The following TNS3 variants were observed in gnomAD, a reference collection of about 807,000 sequenced individuals.
TNS3 encodes the protein tensin-3.
In TNS3, 45 loss-of-function variants were observed where a neutral mutation model predicts 140.9. The ratio of observed to expected loss-of-function variants is 0.32; its 90% CI spans 0.25 to 0.41. TNS3 has a LOEUF of 0.41. Ranked by LOEUF, TNS3 falls within the 10% of genes least tolerant of loss-of-function variation. The pLI is 1.00. For missense variants in TNS3, 1,716 were observed against 1,906.7 expected, an observed-to-expected ratio of 0.90 and a Z score of 1.86; for synonymous variants, 815 against 788.4, an observed-to-expected ratio of 1.03 and a Z score of -0.56.
intron 30 of TNS3, chr7:47,279,429 A>G (rs6463408): frequency 0.41 from 61,839 of 152,370 alleles, 12,893 homozygotes; most frequent in Non-Finnish European, 0.44. Flanking sequence ...TAAGCCGGGC[A>G]CGGTGGCTCA....
intron 1 of TNS3, among the ~76,000 whole-genome samples, chr7:47,573,666 T>C (rs879480060): frequency 6.6e-6 from 1 of 152,074 alleles, no homozygotes; most frequent in Admixed American, 6.5e-5. Flanking sequence ...GAAACACCAG[T>C]TGACTCCAGA....
rs78039313 is a variant in TNS3, at chr7:47,430,669, G to A, written c.325-2293C>T. ...GTTCTCCAGCATAGATGGCATGTTA[G>A]GCCACAAAACAAACCTTAACGAATT... On this transcript the variant is annotated intron_variant, in intron 8 of 30. Transcript: ENST00000311160. 3.0e-3 allele frequency among the ~76,000 whole-genome samples: 449 copies of A among 151,818 alleles called. 15 individuals carry two copies. The East Asian group carries it at 0.079, about 27-fold the overall frequency.
intron 8 of TNS3, among the ~76,000 whole-genome samples, chr7:47,432,335 C>T (rs1488311677): frequency 2.0e-5 from 3 of 152,206 alleles, no homozygotes; most frequent in Non-Finnish European, 4.4e-5. Flanking sequence ...CTAGCACCCT[C>T]AGCCCCCTCG....
chr7:47,328,524 G>C (rs1788156648), intron 20 of TNS3, among the ~76,000 whole-genome samples: 1 of 151,864 alleles, frequency 6.6e-6, no homozygotes, highest in African/African-American at 2.4e-5. Flanking sequence ...ATTCCCCTGG[G>C]ACCCCACACT....
rs202189855 is a variant in TNS3 at position 47,283,818 on chromosome 7, C to T, written c.3976G>A (p.Gly1326Ser). 1.2e-3 allele frequency: 1,935 copies of T among 1,610,520 alleles called. 1 individual carries two copies. The highest frequency in any genetic ancestry group is 1.5e-3 in the Non-Finnish European group (1,823 of 1,178,446). ...LNSVEMESLT[G>S]HQAIQKALSI... ...AGGGCCTTCTGGATCGCCTGGTGGC[C>T]GGTGAGGGACTCCATCTCCACAGAG... The change falls in exon 28 of 31, where the codon GGC becomes AGC. Residue 1326 changes from glycine (G) to serine (S), a missense_variant. This residue lies in a region of TNS3 where 216 missense variants were observed against 295.7 expected (regional missense o/e 0.73). Transcript: ENST00000311160.
intron 3 of TNS3, among the ~76,000 whole-genome samples, chr7:47,486,934 A>C (rs1443713245): frequency 1.3e-5 from 2 of 152,182 alleles, no homozygotes; most frequent in Non-Finnish European, 2.9e-5. Flanking sequence ...TCTTTTCCAA[A>C]TCATCAAAAA....
At chr7:47,413,117 C>T (rs1793872642) in intron 12 of TNS3, among the ~76,000 whole-genome samples, 1 of 151,970 alleles carries the variant, frequency 6.6e-6, no homozygotes, top group South Asian at 2.1e-4. Flanking sequence ...CCATGCCCAG[C>T]TAATTTTTGT....
rs1213523365 is a variant in TNS3 at position 47,276,113 on chromosome 7, C to G, written c.*1963G>C. 1 of 270,292 alleles carries G rather than the reference C, an allele frequency of 3.7e-6. No individual in the cohort carries two copies. Among genetic ancestry groups the G allele is most frequent in the African/African-American group, 2.2e-5 (1 of 44,648 alleles). 16.7% of individuals were successfully genotyped at this position (270,292 alleles called of 1,614,324 possible). A position where few individuals can be genotyped will look rare whatever the true frequency, so the allele number is the denominator to read the frequency against. On this transcript the variant is annotated 3_prime_UTR_variant, in exon 31 of 31. Coordinates refer to ENST00000311160, the MANE Select transcript of TNS3 (RefSeq NM_022748.12). The stretch of plus-strand genomic sequence containing the variant: ...GATGAAAAACCGAGATGCTAGAGGC[C>G]TCTGCTAAAGACATCAGGGTCAACA...
chr7:47,452,842 C>T, intron 4 of TNS3: 1 of 853,910 alleles, frequency 1.2e-6, no homozygotes, highest in Non-Finnish European at 1.4e-6. Flanking sequence ...GCAGCCAGTA[C>T]CGGAGGCCAC....
intron 17 of TNS3, among the ~76,000 whole-genome samples, chr7:47,360,974 C>T (rs1434266899): frequency 1.3e-5 from 2 of 151,958 alleles, no homozygotes; most frequent in Non-Finnish European, 1.5e-5. Flanking sequence ...ATTCAAGGCC[C>T]CTTCATTCTT....
chr7:47,473,644 A>G (rs1223594700), intron 4 of TNS3, among the ~76,000 whole-genome samples: 1 of 152,206 alleles, frequency 6.6e-6, no homozygotes, highest in Non-Finnish European at 1.5e-5. Flanking sequence ...TGAGGACAAG[A>G]AATGCATACC....
intron 20 of TNS3, among the ~76,000 whole-genome samples, chr7:47,305,602 C>T (rs1188383371): frequency 6.6e-6 from 1 of 152,226 alleles, no homozygotes; most frequent in African/African-American, 2.4e-5. Context: ...GGTCAAACCC[C>T]GCTGCTTCAA....
chr7:47,416,009 C>T (rs1339185949), intron 10 of TNS3, among the ~76,000 whole-genome samples: 1 of 152,260 alleles, frequency 6.6e-6, no homozygotes, highest in African/African-American at 2.4e-5. Context: ...GCCTGTCCTG[C>T]CTGTTGGTGC....
At chr7:47,402,769 T>A (rs1412694330) in intron 13 of TNS3, among the ~76,000 whole-genome samples, 1 of 152,100 alleles carries the variant, frequency 6.6e-6, no homozygotes, top group African/African-American at 2.4e-5. Flanking sequence ...GCCTTGCAAA[T>A]GGGGAGTGAA....
At chr7:47,472,505 G>A (rs1796997618) in intron 4 of TNS3, among the ~76,000 whole-genome samples, 1 of 152,162 alleles carries the variant, frequency 6.6e-6, no homozygotes, top group East Asian at 1.9e-4. Flanking sequence ...GGGATATAGG[G>A]AGAAACTTTC....
intron 4 of TNS3, among the ~76,000 whole-genome samples, chr7:47,471,375 G>A (rs1242947296): frequency 6.6e-6 from 1 of 152,154 alleles, no homozygotes; most frequent in Non-Finnish European, 1.5e-5. Context: ...CTCGTCTCTG[G>A]GAACTGGGCT....
chr7:47,333,334 G>T (rs1006634598), intron 20 of TNS3, among the ~76,000 whole-genome samples: 1 of 152,180 alleles, frequency 6.6e-6, no homozygotes, highest in Non-Finnish European at 1.5e-5. Flanking sequence ...CCAGTTTTTT[G>T]GGGTCACCAT....
At chr7:47,414,217 G>C (rs1793948871) in intron 11 of TNS3, among the ~76,000 whole-genome samples, 1 of 152,166 alleles carries the variant, frequency 6.6e-6, no homozygotes, top group Non-Finnish European at 1.5e-5. Flanking sequence ...TTTATCCAAA[G>C]GGTGCCAAAG....
rs544990876 is a variant in TNS3, at chr7:47,335,542, T to C, written c.2650+9213A>G. On this transcript the variant is annotated intron_variant, in intron 20 of 30. Coordinates refer to ENST00000311160, the MANE Select transcript of TNS3 (RefSeq NM_022748.12). ...AGCACACTGGGCACAAGCACATCTC[T>C]GGGAAAAGCAGGATTCCCAGGGCTC... 2.6e-5 allele frequency among the ~76,000 whole-genome samples: 4 copies of C among 152,354 alleles called. No individual in the cohort carries two copies. The South Asian group carries it at 8.3e-4, about 32-fold the overall frequency.
Sources: gnomAD v4.1 joint callset for allele counts (sites outside exome capture counted in the v4.1 genomes callset) on GRCh38, gnomAD v4.1.1 for gene constraint, gnomAD v4.1.1 regional missense constraint, MANE v1.5 for transcripts, NCBI Gene and HGNC (gene_info 2026-07-23, HGNC 2026-07-21) for gene names.